The following RORA variants were observed in gnomAD, a reference collection of about 807,000 sequenced individuals.
RORA encodes RAR related orphan receptor A.
In RORA, 7 loss-of-function variants were observed where a neutral mutation model predicts 69.5. The observed-to-expected ratio is 0.10, with a 90% CI of 0.06 to 0.19. The LOEUF (loss-of-function observed/expected upper bound fraction) is 0.19. RORA is among the 10% of genes least tolerant of loss of function. The pLI, the probability that RORA is intolerant of heterozygous loss-of-function variation, is 1.00. For synonymous variants in RORA, 261 were observed against 240.8 expected (o/e 1.08, Z -0.78); for missense variants, 457 against 663.0 (o/e 0.69, Z 3.41).
intron 9 of RORA, among the ~76,000 whole-genome samples, chr15:60,500,547 C>G (rs2065298938): frequency 6.6e-6 from 1 of 152,130 alleles, no homozygotes; most frequent in Non-Finnish European, 1.5e-5. Flanking sequence ...GTTGAAAACA[C>G]AGATTAAATT....
intron 1 of RORA, among the ~76,000 whole-genome samples, chr15:61,095,248 T>C (rs1056672586): frequency 6.6e-6 from 1 of 152,200 alleles, no homozygotes; most frequent in Admixed American, 6.5e-5. Flanking sequence ...TGCAATGCTC[T>C]GAAGGGTATA....
chr15:61,093,915 TA>T (rs2078749844), intron 1 of RORA, among the ~76,000 whole-genome samples: 1 of 152,214 alleles, frequency 6.6e-6, no homozygotes, highest in African/African-American at 2.4e-5. Flanking sequence ...GTCAATGACC[TA>T]AAGAAGACAG....
At position 61,119,087 on chromosome 15, in the gene RORA, G is replaced by GA. The variant is rs898092285; in HGVS notation, c.166+109965_166+109966insT. Among the ~76,000 whole-genome samples, 265 of 134,250 alleles carry GA rather than the reference G, an allele frequency of 2.0e-3. 5 individuals are homozygous for GA. The highest frequency in any genetic ancestry group is 3.4e-3 in the Non-Finnish European group (207 of 61,026). 88.1% of individuals were successfully genotyped at this position (134,250 alleles called of 152,430 possible). A position where few individuals can be genotyped will look rare whatever the true frequency, so the allele number is the denominator to read the frequency against. ...GGAAGATGCAGTTAACAGAAGGGGG[G>GA]GGGGGGCGCCATGGAGCAGTCGTGT... On this transcript the variant is annotated intron_variant, in intron 1 of 10. Transcript: ENST00000335670.
intron 2 of RORA, among the ~76,000 whole-genome samples, chr15:60,667,719 A>G (rs72748775): frequency 6.6e-6 from 1 of 152,246 alleles, no homozygotes; most frequent in Non-Finnish European, 1.5e-5. Context: ...TCCTGGGCTC[A>G]AGCAATCTTT....
chr15:61,006,271 TA>T (rs1375160507), intron 1 of RORA, among the ~76,000 whole-genome samples: 1 of 151,980 alleles, frequency 6.6e-6, no homozygotes, highest in Admixed American at 6.6e-5. Flanking sequence ...CCGGCCGTAA[TA>T]TTTTTTTTTT....
chr15:61,207,570 C>T (rs192610157), intron 1 of RORA, among the ~76,000 whole-genome samples: 1 of 152,226 alleles, frequency 6.6e-6, no homozygotes, highest in African/African-American at 2.4e-5. Flanking sequence ...TCAACAGCCC[C>T]AAGACTTAGC....
chr15:60,625,812 C>T (rs1312665296), intron 2 of RORA, among the ~76,000 whole-genome samples: 2 of 152,206 alleles, frequency 1.3e-5, no homozygotes, highest in Non-Finnish European at 1.5e-5. Flanking sequence ...GTAACTGTGG[C>T]TAAGGCATAA....
chr15:60,742,103 C>A (rs1353053233), intron 1 of RORA, among the ~76,000 whole-genome samples: 1 of 152,018 alleles, frequency 6.6e-6, no homozygotes, highest in Non-Finnish European at 1.5e-5. Context: ...ATATCTATAT[C>A]TATCTATATG....
chr15:60,639,369 A>G (rs2069900353), intron 2 of RORA, among the ~76,000 whole-genome samples: 1 of 152,052 alleles, frequency 6.6e-6, no homozygotes, highest in Admixed American at 6.6e-5. Context: ...ATAACACTTA[A>G]AAGCCATCGA....
intron 1 of RORA, among the ~76,000 whole-genome samples, chr15:60,723,884 A>C (rs1315605217): frequency 6.6e-6 from 1 of 152,222 alleles, no homozygotes; most frequent in Non-Finnish European, 1.5e-5. Flanking sequence ...AGTTGTGTAG[A>C]GGTTTCTTCA....
intron 1 of RORA, among the ~76,000 whole-genome samples, chr15:61,220,615 A>G (rs991595009): frequency 6.6e-6 from 1 of 152,142 alleles, no homozygotes; most frequent in African/African-American, 2.4e-5. Context: ...GTTTCTTTAA[A>G]ATTAATTGGA....
rs145309206 is a variant in RORA, at chr15:61,192,815, C to T, written c.166+36238G>A. ...GGTTGTCAGAGAGTTCCAGTGAGAC[C>T]CTTAACATCTCAGTCTACATTTTCT... On this transcript the variant is annotated intron_variant, in intron 1 of 10. Coordinates refer to ENST00000335670, the MANE Select transcript of RORA (RefSeq NM_134261.3). Among the ~76,000 whole-genome samples the T allele has an allele frequency of 3.7e-3, 564 of 152,288 alleles. 2 individuals carry two copies. Among genetic ancestry groups the T allele is most frequent in the African/African-American group, 0.013 (538 of 41,552 alleles).
At position 60,980,106 on chromosome 15, in the gene RORA, A is replaced by AAATCCTT. The variant is rs538626362; in HGVS notation, c.166+248940_166+248946dup. On this transcript the variant is annotated intron_variant, in intron 1 of 10. Transcript: ENST00000335670. The stretch of plus-strand genomic sequence containing the variant: ...TCACGAAAGGATGTGAGATTTGGTT[A>AAATCCTT]AATCCTTTTTCTATATCTATTGAGA... 1.7e-3 allele frequency among the ~76,000 whole-genome samples: 266 copies of AAATCCTT among 152,308 alleles called. 2 individuals are homozygous for AAATCCTT. The highest frequency in any genetic ancestry group is 3.5e-3 in the East Asian group (18 of 5,190).
At chr15:60,545,957 A>G (rs2067055551) in intron 2 of RORA, among the ~76,000 whole-genome samples, 1 of 152,198 alleles carries the variant, frequency 6.6e-6, no homozygotes. Context: ...AAGAGGCTTT[A>G]AGGAAGAACT....
In RORA at chr15:60,489,418, A is replaced by C. The variant is rs1184048967; in HGVS notation, c.*8037T>G. ...TTGCTCTACATTTATAAATTGCTCAAAAATCTTTGCTAAAGATCTTACAAA... is the reference window on the plus strand; with the variant it reads ...TTGCTCTACATTTATAAATTGCTCACAAATCTTTGCTAAAGATCTTACAAA... On this transcript the variant is annotated 3_prime_UTR_variant, in exon 11 of 11. Coordinates refer to ENST00000335670, the MANE Select transcript of RORA (RefSeq NM_134261.3). 6.6e-6 allele frequency: 1 copy of C among 152,242 alleles called. No homozygotes were observed. The highest frequency in any genetic ancestry group is 1.5e-5 in the Non-Finnish European group (1 of 68,036). 9.4% of individuals were successfully genotyped at this position (152,242 alleles called of 1,614,324 possible).
chr15:60,830,661 G>A (rs929000301), intron 1 of RORA, among the ~76,000 whole-genome samples: 1 of 152,324 alleles, frequency 6.6e-6, no homozygotes, highest in Admixed American at 6.5e-5. Flanking sequence ...GCTGTTTCAA[G>A]TATGGCTGGA....
intron 1 of RORA, among the ~76,000 whole-genome samples, chr15:60,972,056 T>C (rs2414689): frequency 0.71 from 108,774 of 152,154 alleles, 39,114 homozygotes; most frequent in South Asian, 0.87. Context: ...CTTCATCTGT[T>C]GTACAGATTA....
chr15:60,937,071 T>C (rs747271369), intron 1 of RORA, among the ~76,000 whole-genome samples: 2 of 152,202 alleles, frequency 1.3e-5, no homozygotes, highest in Non-Finnish European at 2.9e-5. Context: ...GATTATCTCA[T>C]TTCATCCTCA....
intron 1 of RORA, among the ~76,000 whole-genome samples, chr15:60,711,195 C>T (rs1281189881): frequency 1.3e-5 from 2 of 152,114 alleles, no homozygotes; most frequent in South Asian, 2.1e-4. Context: ...ACACAGTCTC[C>T]GTGCCCTCAA....
Sources: gnomAD v4.1 joint callset for allele counts (sites outside exome capture counted in the v4.1 genomes callset) on GRCh38, gnomAD v4.1.1 for gene constraint, MANE v1.5 for transcripts, NCBI Gene and HGNC (gene_info 2026-07-23, HGNC 2026-07-21) for gene names.